The following MACROD1 variants were observed in gnomAD, a reference collection of about 807,000 sequenced individuals.
MACROD1 encodes mono-ADP ribosylhydrolase 1.
Under a neutral mutation model 41.4 loss-of-function variants are expected in MACROD1, and 31 were observed. The ratio of observed to expected loss-of-function variants is 0.75; its 90% CI spans 0.56 to 1.01. The LOEUF (loss-of-function observed/expected upper bound fraction) is 1.01. Among genes scored for constraint, MACROD1 ranks in the 50% least tolerant of loss-of-function variants. The pLI, the probability that MACROD1 is intolerant of heterozygous loss-of-function variation, is 0.00. For missense variants in MACROD1, 473 were observed against 460.0 expected (o/e 1.03, Z -0.26); for synonymous variants, 252 against 203.4 (o/e 1.24, Z -2.03).
chr11:64,017,218 G>A (rs925089882), intron 3 of MACROD1, among the ~76,000 whole-genome samples: 2 of 152,122 alleles, frequency 1.3e-5, no homozygotes, highest in Non-Finnish European at 2.9e-5. Flanking sequence ...TGATCCACCC[G>A]CCACGGCCTC....
chr11:64,022,579 A>G (rs960407447), intron 3 of MACROD1, among the ~76,000 whole-genome samples: 1 of 152,026 alleles, frequency 6.6e-6, no homozygotes. Flanking sequence ...AACATGTTTT[A>G]GATTAGAAAC....
At chr11:64,033,336 G>A (rs557827845) in intron 3 of MACROD1, among the ~76,000 whole-genome samples, 42 of 152,302 alleles carry the variant, frequency 2.8e-4, no homozygotes, top group African/African-American at 9.9e-4. Context: ...ATGGCTGAGC[G>A]GGTTATTCCA....
intron 3 of MACROD1, among the ~76,000 whole-genome samples, chr11:64,124,293 T>C (rs967752412): frequency 5.9e-5 from 9 of 152,238 alleles, no homozygotes. Flanking sequence ...GTCCTGGACC[T>C]GTCTCTTAAG....
intron 3 of MACROD1, among the ~76,000 whole-genome samples, chr11:64,022,947 T>C (rs1178726845): frequency 1.4e-5 from 2 of 146,572 alleles, no homozygotes; most frequent in East Asian, 4.0e-4. Flanking sequence ...CTGCAACCTC[T>C]GCCTCCTGGG....
chr11:64,052,734 C>G (rs1943717084), intron 3 of MACROD1, among the ~76,000 whole-genome samples: 2 of 152,216 alleles, frequency 1.3e-5, no homozygotes, highest in African/African-American at 4.8e-5. Flanking sequence ...AACCTCCCAG[C>G]TTCTAGGGGT....
intron 4 of MACROD1, among the ~76,000 whole-genome samples, chr11:64,014,138 G>A (rs764022267): frequency 3.9e-4 from 59 of 152,212 alleles, no homozygotes; most frequent in Non-Finnish European, 6.2e-4. Context: ...ATCAATGAAC[G>A]GAGGAAGGGC....
chr11:64,019,200 G>A (rs1204584939), intron 3 of MACROD1, among the ~76,000 whole-genome samples: 1 of 152,192 alleles, frequency 6.6e-6, no homozygotes, highest in South Asian at 2.1e-4. Flanking sequence ...GAGGTGGCCC[G>A]GCCCCATCGG....
rs915836114 is a variant in MACROD1 at position 64,122,593 on chromosome 11, G to A, written c.517+28646C>T. The stretch of plus-strand genomic sequence containing the variant: ...CAGGCAGAGAGCTGAGGAGGGGGTC[G>A]GGGAGATGTTTCCAGAGCGGTGCAG... On this transcript the variant is annotated intron_variant, in intron 3 of 10. Transcript: ENST00000255681. This position sits in a 1 kb window ranked among gnomAD's most constrained non-coding sequence, Gnocchi z 4.0. Among the ~76,000 whole-genome samples the A allele has an allele frequency of 3.3e-5, 5 of 152,314 alleles. No homozygotes were observed. Among genetic ancestry groups the A allele is most frequent in the Admixed American group, 1.3e-4 (2 of 15,306 alleles).
At chr11:64,055,533 C>T (rs1381841591) in intron 3 of MACROD1, among the ~76,000 whole-genome samples, 2 of 152,164 alleles carry the variant, frequency 1.3e-5, no homozygotes, top group African/African-American at 4.8e-5. Context: ...AGCGGGGGAA[C>T]CTTTCACTGG....
intron 4 of MACROD1, among the ~76,000 whole-genome samples, chr11:64,006,428 G>T (rs892726052): frequency 1.1e-4 from 16 of 152,226 alleles, no homozygotes; most frequent in African/African-American, 3.6e-4. Context: ...CCACCCTCTC[G>T]GTGCCAAGGC....
intron 4 of MACROD1, among the ~76,000 whole-genome samples, chr11:64,014,974 AGG>A (rs1943060915): frequency 6.6e-6 from 1 of 152,228 alleles, no homozygotes; most frequent in Non-Finnish European, 1.5e-5. Flanking sequence ...GATCAAGGTC[AGG>A]GCTGGGTTTT....
At chr11:64,033,837 G>A (rs57196716) in intron 3 of MACROD1, among the ~76,000 whole-genome samples, 9,421 of 151,614 alleles carry the variant, frequency 0.062, 824 homozygotes, top group African/African-American at 0.18. Flanking sequence ...GTGAAACGCC[G>A]CCCCCCCAAA....
In MACROD1 at chr11:64,000,211, C is replaced by T; in HGVS notation, c.664+16G>A. The T allele has an allele frequency of 1.3e-6, 2 of 1,594,562 alleles. No homozygotes were observed. Among genetic ancestry groups the T allele is most frequent in the African/African-American group, 1.3e-5 (1 of 74,624 alleles). ...CCTGTCTGCGCCCCACAGCTGGGGG[C>T]GCGTCGGGGACTCACACTTGGCCGG... On this transcript the variant is annotated intron_variant, in intron 5 of 10. Coordinates refer to ENST00000255681, the MANE Select transcript of MACROD1 (RefSeq NM_014067.4).
chr11:64,158,456 C>T (rs1301653828), intron 1 of MACROD1, among the ~76,000 whole-genome samples: 1 of 152,054 alleles, frequency 6.6e-6, no homozygotes, highest in Non-Finnish European at 1.5e-5. Context: ...ATTGCCCAGG[C>T]TGGTCTCGAA....
chr11:64,139,234 A>G (rs1324805843), intron 3 of MACROD1, among the ~76,000 whole-genome samples: 1 of 152,048 alleles, frequency 6.6e-6, no homozygotes, highest in East Asian at 1.9e-4. Flanking sequence ...CATGCTCTCC[A>G]TGCTCCTGCA....
At chr11:64,068,014 C>T (rs995549486) in intron 3 of MACROD1, among the ~76,000 whole-genome samples, 3 of 152,182 alleles carry the variant, frequency 2.0e-5, no homozygotes, top group Admixed American at 6.5e-5. Context: ...AACGGAAAAC[C>T]GCCGGTCTTG....
At chr11:64,108,298 A>G (rs1408603940) in intron 3 of MACROD1, among the ~76,000 whole-genome samples, 6 of 149,144 alleles carry the variant, frequency 4.0e-5, no homozygotes, top group Non-Finnish European at 8.9e-5. Flanking sequence ...GGGCAACAAG[A>G]GCGAAACTCT....
intron 3 of MACROD1, among the ~76,000 whole-genome samples, chr11:64,021,968 GCAGT>G (rs1565197713): frequency 1.7e-4 from 14 of 81,360 alleles, no homozygotes; most frequent in East Asian, 5.1e-4. Context: ...GTGGCGGCGG[GCAGT>G]GGATCTGGAG....
intron 3 of MACROD1, among the ~76,000 whole-genome samples, chr11:64,019,439 C>G (rs1161782427): frequency 6.6e-6 from 1 of 152,176 alleles, no homozygotes; most frequent in East Asian, 1.9e-4. Flanking sequence ...CACTTGCTGT[C>G]CCTGAGGGCA....
Sources: gnomAD v4.1 joint callset for allele counts (sites outside exome capture counted in the v4.1 genomes callset) on GRCh38, gnomAD v4.1.1 for gene constraint, Gnocchi (gnomAD v3.1) non-coding constraint, MANE v1.5 for transcripts, NCBI Gene and HGNC (gene_info 2026-07-23, HGNC 2026-07-21) for gene names.